The following AFP variants were observed in gnomAD, a reference collection of about 807,000 sequenced individuals.
AFP encodes alpha-fetoprotein.
Under a neutral mutation model 78.9 loss-of-function variants are expected in AFP, and 64 were observed. That is an observed-to-expected ratio of 0.81 (90% CI 0.66 to 1.00). The LOEUF is 1.00. Among genes scored for constraint, AFP ranks in the 50% least tolerant of loss-of-function variants. The pLI is 0.00. For missense variants in AFP, 689 were observed against 703.8 expected, an observed-to-expected ratio of 0.98 and a Z score of 0.24; for synonymous variants, 254 against 243.8, an observed-to-expected ratio of 1.04 and a Z score of -0.39.
intron 10 of AFP, 161 bp from the exon 11 acceptor site, chr4:73,450,454 G>A (rs1719960155): frequency 1.1e-6 from 1 of 945,666 alleles, no homozygotes; most frequent in Admixed American, 2.1e-5. Flanking sequence ...GGTTGTTAGA[G>A]TAAATGCATC....
chr4:73,441,391 C>T lies in AFP; in HGVS notation c.482+578C>T, dbSNP rs372805480. Reference sequence around the variant, plus strand: ...ACCATCCTGGCTAACATGGTGAAACCCCGTCTCTACTAAAAATACAAAAAA... The same window carrying T: ...ACCATCCTGGCTAACATGGTGAAACTCCGTCTCTACTAAAAATACAAAAAA... On this transcript the variant is annotated intron_variant, in intron 4 of 14. Transcript: ENST00000395792. Among the ~76,000 whole-genome samples the T allele has an allele frequency of 3.4e-4, 51 of 151,344 alleles. 1 individual carries two copies. In the South Asian group the frequency reaches 8.0e-3, roughly 24 times the overall value.
At chr4:73,444,201 C>T (rs933744783) in intron 6 of AFP, among the ~76,000 whole-genome samples, 13 of 151,990 alleles carry the variant, frequency 8.6e-5, no homozygotes, top group Non-Finnish European at 4.4e-5. Context: ...AGATTTATGC[C>T]TTAACTACCC....
chr4:73,439,187 A>T (rs1021526909), intron 3 of AFP, among the ~76,000 whole-genome samples: 10 of 152,184 alleles, frequency 6.6e-5, no homozygotes, highest in African/African-American at 2.2e-4. Context: ...AATATTTATT[A>T]TTTATTTTAT....
chr4:73,450,839 TA>T, intron 11 of AFP, 86 bp downstream of exon 11: 1 of 1,601,946 alleles, frequency 6.2e-7, no homozygotes, highest in Non-Finnish European at 8.5e-7. Flanking sequence ...GGGAAGACGG[TA>T]AAAACCAATG....
At chr4:73,441,074 T>A (rs1719648077) in intron 4 of AFP, among the ~76,000 whole-genome samples, 1 of 150,802 alleles carries the variant, frequency 6.6e-6, no homozygotes, top group African/African-American at 2.4e-5. Flanking sequence ...ATATACACCT[T>A]TTTTTTTTCT....
At position 73,451,473 on chromosome 4, in the gene AFP, C is replaced by T. The variant is rs1185230800; in HGVS notation, c.1428+720C>T. On this transcript the variant is annotated intron_variant, in intron 11 of 14. Transcript: ENST00000395792. ...ATTTGCTGTTAGTCTTCATGTCATA[C>T]ATTTTTTCCCCAAAGGTTAAGAGTA... Among the ~76,000 whole-genome samples, 3 of 152,106 alleles carry T rather than the reference C, an allele frequency of 2.0e-5. No homozygotes were observed. The East Asian group carries it at 5.8e-4, about 29-fold the overall frequency.
chr4:73,445,535 C>T (rs993463553), intron 7 of AFP, among the ~76,000 whole-genome samples: 4 of 152,160 alleles, frequency 2.6e-5, no homozygotes, highest in Admixed American at 6.5e-5. Flanking sequence ...TTTAAAAGCA[C>T]AGGCTGACCT....
chr4:73,454,006 T>C (rs1720088543), intron 13 of AFP, 109 bp downstream of exon 13: 8 of 1,358,924 alleles, frequency 5.9e-6, no homozygotes, highest in Non-Finnish European at 7.1e-6. Flanking sequence ...TTCAGAGAGA[T>C]TTAAATTTCA....
chr4:73,450,322 TA>T (rs1453585342), intron 10 of AFP, among the ~76,000 whole-genome samples, 189 bp downstream of exon 10: 20 of 152,178 alleles, frequency 1.3e-4, no homozygotes, highest in Non-Finnish European at 2.9e-5. Flanking sequence ...CTGTCCGAGT[TA>T]AAGCACCAAA....
intron 3 of AFP, among the ~76,000 whole-genome samples, chr4:73,439,309 C>A (rs781201871): frequency 1.3e-5 from 2 of 151,982 alleles, no homozygotes; most frequent in Non-Finnish European, 2.9e-5. Flanking sequence ...AGACAATGTA[C>A]CTGGAATATC....
intron 14 of AFP, 36 bp from the exon 15 acceptor site, chr4:73,455,595 T>A (rs1347230815): frequency 1.5e-6 from 1 of 681,304 alleles, no homozygotes; most frequent in African/African-American, 1.8e-5. Flanking sequence ...CCTATTAGTT[T>A]AATTAGTATT....
rs1719965121 is a variant in AFP, at chr4:73,450,634, A to G, written c.1309A>G (p.Lys437Glu). 3 of 1,614,044 alleles carry G rather than the reference A, an allele frequency of 1.9e-6. No homozygotes were observed. In the African/African-American group the frequency reaches 4.0e-5, roughly 22 times the overall value. ...TTTCAGGTTTCTCGTTGCTTACACA[A>G]AGAAAGCCCCCCAGCTGACCTCGTC... ...LQNAFLVAYT[K>E]KAPQLTSSEL... Residue 437 changes from lysine to glutamate, a missense_variant, in exon 11 of 15, where the codon AAG becomes GAG. Physicochemically the swap from Lys to Glu is moderately conservative, Grantham distance 56 (BLOSUM62 1). Transcript: ENST00000395792.
chr4:73,448,459 A>G (rs1719896144), intron 8 of AFP, among the ~76,000 whole-genome samples: 1 of 152,158 alleles, frequency 6.6e-6, no homozygotes, highest in Non-Finnish European at 1.5e-5. Flanking sequence ...TTTCTCTTTA[A>G]TATTGCCTGA....
chr4:73,443,210 G>A, intron 5 of AFP, 137 bp from the exon 6 acceptor site: 1 of 735,842 alleles, frequency 1.4e-6, no homozygotes, highest in South Asian at 1.7e-5. Context: ...GATAATGTAT[G>A]ACATTTATAA....
chr4:73,442,633 A>G (rs1209761747), intron 5 of AFP, among the ~76,000 whole-genome samples: 2 of 152,078 alleles, frequency 1.3e-5, no homozygotes, highest in Non-Finnish European at 2.9e-5. Flanking sequence ...CAATAATTTT[A>G]TTATTAAGGA....
At chr4:73,437,584 G>T (rs917393308) in intron 2 of AFP, among the ~76,000 whole-genome samples, 2 of 151,972 alleles carry the variant, frequency 1.3e-5, no homozygotes, top group African/African-American at 2.4e-5. Flanking sequence ...CAAACCATAG[G>T]TGATAAAATA....
At chr4:73,444,893 A>G (rs1719772346) in intron 6 of AFP, 100 bp from the exon 7 acceptor site, 1 of 1,072,018 alleles carries the variant, frequency 9.3e-7, no homozygotes, top group Non-Finnish European at 1.3e-6. Flanking sequence ...AATTTCAGTC[A>G]TTTCTCTTTG....
In AFP at chr4:73,445,368, C is replaced by T. The variant is rs146275881; in HGVS notation, c.843+246C>T. ...ATCTATTTCTTACTTCTAAAAAAAC[C>T]GTGGGAACTTCTCAGAAGGCTTCTC... On this transcript the variant is annotated intron_variant, in intron 7 of 14. Coordinates refer to ENST00000395792, the MANE Select transcript of AFP (RefSeq NM_001134.3). Among the ~76,000 whole-genome samples the T allele has an allele frequency of 4.8e-3, 723 of 152,154 alleles. 2 individuals carry two copies. The highest frequency in any genetic ancestry group is 9.3e-3 in the African/African-American group (386 of 41,508).
chr4:73,453,119 G>C lies in AFP; in HGVS notation c.1652+495G>C, dbSNP rs142747296. Among the ~76,000 whole-genome samples, 21 of 152,296 alleles carry C rather than the reference G, an allele frequency of 1.4e-4. No homozygotes were observed. The East Asian group carries it at 3.9e-3, about 28-fold the overall frequency. ...GCTCTTTTGTAATGGTGATGGTCAT[G>C]CAAGTCAATGGAGCTTATGTTCTTC... On this transcript the variant is annotated intron_variant, in intron 12 of 14. Coordinates refer to ENST00000395792, the MANE Select transcript of AFP (RefSeq NM_001134.3).
Sources: gnomAD v4.1 joint callset for allele counts (sites outside exome capture counted in the v4.1 genomes callset) on GRCh38, gnomAD v4.1.1 for gene constraint, MANE v1.5 for transcripts, NCBI Gene and HGNC (gene_info 2026-07-23, HGNC 2026-07-21) for gene names.